Variants in AUTS2 observed in about 807,000 individuals in gnomAD.
The protein encoded by AUTS2 is autism susceptibility gene 2 protein.
In AUTS2, 17 loss-of-function variants were observed where a neutral mutation model predicts 112.4. That is an observed-to-expected ratio of 0.15 (90% CI 0.10 to 0.23). AUTS2 has a LOEUF of 0.23. Among genes scored for constraint, AUTS2 ranks in the 10% least tolerant of loss-of-function variants. AUTS2 has a pLI of 1.00. For synonymous variants in AUTS2, 751 were observed against 702.7 expected (o/e 1.07, Z -1.09); for missense variants, 1,510 against 1,701.6 (o/e 0.89, Z 1.98).
In AUTS2 at chr7:70,790,410, C is replaced by G; in HGVS notation, c.3194C>G (p.Ser1065Cys). The change falls in exon 19 of 19, where the codon TCT becomes TGT. Residue 1065 changes from serine (S) to cysteine (C), a missense_variant. By Grantham distance (112) the Ser-to-Cys change is moderately radical (BLOSUM62 -1). Around this residue, in one of 3 missense-constraint regions of AUTS2, gnomAD observed 788 missense variants for 797.6 expected, o/e 0.99. Transcript: ENST00000342771. This position sits in a 1 kb window ranked among gnomAD's most constrained non-coding sequence, Gnocchi z 7.6. ...LPGGERFPYP[S>C]FHWDPIRDPL... ...GGCGGAGAGCGCTTCCCGTACCCTTCTTTCCACTGGGACCCCATCCGGGAC... is the reference window on the plus strand; with the variant it reads ...GGCGGAGAGCGCTTCCCGTACCCTTGTTTCCACTGGGACCCCATCCGGGAC... 6.2e-7 allele frequency: 1 copy of G among 1,613,396 alleles called. No individual in the cohort carries two copies. Among genetic ancestry groups the G allele is most frequent in the South Asian group, 1.1e-5 (1 of 90,926 alleles).
chr7:70,518,649 C>T (rs1037853014), intron 5 of AUTS2, among the ~76,000 whole-genome samples: 5 of 151,156 alleles, frequency 3.3e-5, no homozygotes, highest in African/African-American at 1.2e-4. Flanking sequence ...CGCCACTGCA[C>T]TCCAGCCTGG....
chr7:70,643,571 A>G (rs530396293), intron 5 of AUTS2, among the ~76,000 whole-genome samples: 2 of 152,312 alleles, frequency 1.3e-5, no homozygotes, highest in Middle Eastern at 3.4e-3. Context: ...CTCCGTCTAA[A>G]AAAAATAAAA....
chr7:70,763,234 G>A lies in AUTS2; in HGVS notation c.1107G>A (p.Gln369=), dbSNP rs755356758. 6.2e-7 allele frequency: 1 copy of A among 1,614,014 alleles called. No individual in the cohort carries two copies. The highest frequency in any genetic ancestry group is 1.1e-5 in the South Asian group (1 of 91,050). The stretch of plus-strand genomic sequence containing the variant: ...CACCCAGGCCACAGTCCCCCACCCA[G>A]CTGCTCCATCAGAACCTCCCACCTG... ...QRPPRPQSPT[Q]LLHQNLPPVQ... is the part of the protein sequence containing the mutation. Residue 369 remains glutamine (Q), a synonymous_variant, in exon 7 of 19, where the codon CAG becomes CAA. Transcript: ENST00000342771.
chr7:70,084,397 T>C (rs1338644162), intron 2 of AUTS2, among the ~76,000 whole-genome samples: 1 of 152,190 alleles, frequency 6.6e-6, no homozygotes, highest in Non-Finnish European at 1.5e-5. Flanking sequence ...CTTGGACAAA[T>C]AAGAGTGGAA....
At chr7:70,509,969 C>T (rs1011742929) in intron 5 of AUTS2, among the ~76,000 whole-genome samples, 2 of 152,176 alleles carry the variant, frequency 1.3e-5, no homozygotes, top group Non-Finnish European at 2.9e-5. Context: ...GCACTTAAGT[C>T]GTTCCCAGTG....
intron 2 of AUTS2, among the ~76,000 whole-genome samples, chr7:69,945,754 A>G (rs1796785415): frequency 6.6e-6 from 1 of 152,136 alleles, no homozygotes; most frequent in Non-Finnish European, 1.5e-5. Context: ...TTATTTTCAC[A>G]AAGTTTGTAC....
intron 1 of AUTS2, among the ~76,000 whole-genome samples, chr7:69,678,271 A>G (rs1796648487): frequency 6.6e-6 from 1 of 152,088 alleles, no homozygotes; most frequent in Non-Finnish European, 1.5e-5. Flanking sequence ...TGAGAGCAAC[A>G]CTACTGGCAT....
At chr7:69,951,572 C>T (rs1288031891) in intron 2 of AUTS2, among the ~76,000 whole-genome samples, 4 of 152,134 alleles carry the variant, frequency 2.6e-5, no homozygotes, top group Non-Finnish European at 2.9e-5. Flanking sequence ...AGTAAATCCA[C>T]ACAGAGAATT....
chr7:70,659,717 C>T (rs1459330692), intron 5 of AUTS2, among the ~76,000 whole-genome samples: 1 of 152,108 alleles, frequency 6.6e-6, no homozygotes, highest in Non-Finnish European at 1.5e-5. Context: ...TCTTTATTTT[C>T]TAGTCATGGA....
chr7:70,681,165 C>T (rs1292348323), intron 5 of AUTS2, among the ~76,000 whole-genome samples: 1 of 152,192 alleles, frequency 6.6e-6, no homozygotes, highest in African/African-American at 2.4e-5. Flanking sequence ...AGGCCCATCC[C>T]ATCTCTCACC....
intron 1 of AUTS2, among the ~76,000 whole-genome samples, chr7:69,658,592 AACTG>A (rs1313203817): frequency 5.9e-5 from 9 of 152,214 alleles, no homozygotes; most frequent in Admixed American, 5.9e-4. Context: ...AGAGAGGTTA[AACTG>A]ACTAAGACAC....
intron 1 of AUTS2, among the ~76,000 whole-genome samples, chr7:69,889,406 T>C (rs1192739899): frequency 6.6e-6 from 1 of 152,230 alleles, no homozygotes; most frequent in Non-Finnish European, 1.5e-5. Context: ...AATCAAAAAA[T>C]GAATAATGGT....
intron 1 of AUTS2, among the ~76,000 whole-genome samples, chr7:69,671,078 A>G (rs1796299543): frequency 6.6e-6 from 1 of 152,220 alleles, no homozygotes; most frequent in African/African-American, 2.4e-5. Context: ...CTGGCAAAGT[A>G]TAAAAAGAAA....
chr7:69,640,185 A>G (rs1422900883), intron 1 of AUTS2, among the ~76,000 whole-genome samples: 1 of 23,282 alleles, frequency 4.3e-5, no homozygotes, highest in African/African-American at 1.1e-4. Context: ...GAATTTGGAA[A>G]ATGTCTGCAG....
chr7:69,805,061 G>A (rs1790242175), intron 1 of AUTS2, among the ~76,000 whole-genome samples: 1 of 152,122 alleles, frequency 6.6e-6, no homozygotes, highest in Admixed American at 6.5e-5. Flanking sequence ...ACTCTTATTT[G>A]GTGCAGTTGA....
intron 1 of AUTS2, among the ~76,000 whole-genome samples, chr7:69,819,698 G>T (rs142224441): frequency 6.6e-6 from 1 of 152,140 alleles, no homozygotes; most frequent in Non-Finnish European, 1.5e-5. Flanking sequence ...GCTCACTTCC[G>T]CCTTGACGTG....
At chr7:70,002,743 G>C (rs1046089326) in intron 2 of AUTS2, among the ~76,000 whole-genome samples, 2 of 152,014 alleles carry the variant, frequency 1.3e-5, no homozygotes, top group African/African-American at 4.8e-5. Flanking sequence ...TTTATGTACC[G>C]GACTGTACTT....
chr7:70,089,116 T>C (rs1803773576), intron 2 of AUTS2, among the ~76,000 whole-genome samples: 1 of 152,216 alleles, frequency 6.6e-6, no homozygotes, highest in South Asian at 2.1e-4. Context: ...TGCATAATAG[T>C]ATTTTTTAAG....
chr7:69,656,673 A>ACCAC (rs1378027500), intron 1 of AUTS2, among the ~76,000 whole-genome samples: 3 of 152,176 alleles, frequency 2.0e-5, no homozygotes, highest in Non-Finnish European at 2.9e-5. Context: ...CAAGAAAAGA[A>ACCAC]CCACCCAGAT....
Sources: allele counts gnomAD v4.1 joint callset (sites outside exome capture counted in the v4.1 genomes callset), GRCh38; gene constraint gnomAD v4.1.1; regional missense constraint gnomAD v4.1.1; non-coding constraint Gnocchi (gnomAD v3.1); transcripts MANE v1.5; gene names NCBI Gene and HGNC (gene_info 2026-07-23, HGNC 2026-07-21).